KIAA1549L: variants seen among roughly 807,000 people sequenced by gnomAD.
The protein encoded by KIAA1549L is KIAA1549 like, also known as UPF0606 protein KIAA1549L.
A neutral mutation model predicts 160.7 loss-of-function variants in KIAA1549L; 88 were observed. The observed-to-expected ratio is 0.55, with a 90% CI of 0.46 to 0.65. KIAA1549L has a LOEUF of 0.65. Ranked by LOEUF, KIAA1549L falls within the 30% of genes least tolerant of loss-of-function variation. The pLI, the probability that KIAA1549L is intolerant of heterozygous loss-of-function variation, is 0.00. For synonymous variants in KIAA1549L, 950 were observed against 976.7 expected, an observed-to-expected ratio of 0.97 and a Z score of 0.51; for missense variants, 2,258 against 2,437.5, an observed-to-expected ratio of 0.93 and a Z score of 1.55.
At chr11:33,666,993 G>C (rs1265803523) in intron 20 of KIAA1549L, among the ~76,000 whole-genome samples, 1 of 152,202 alleles carries the variant, frequency 6.6e-6, no homozygotes, top group African/African-American at 2.4e-5. Flanking sequence ...GGGTTCCTCT[G>C]GGGTACATAA....
At chr11:33,594,589 C>T (rs911531575) in intron 12 of KIAA1549L, among the ~76,000 whole-genome samples, 2 of 152,224 alleles carry the variant, frequency 1.3e-5, no homozygotes, top group Non-Finnish European at 2.9e-5. Context: ...ACAAAAAACA[C>T]CCAAAGCATA....
intron 20 of KIAA1549L, among the ~76,000 whole-genome samples, chr11:33,666,013 G>A (rs773388070): frequency 3.9e-5 from 6 of 151,964 alleles, no homozygotes; most frequent in Admixed American, 1.3e-4. Context: ...TGCCTGCTCC[G>A]TGGAGGGGGA....
chr11:33,664,359 C>T (rs1282328430), intron 20 of KIAA1549L, among the ~76,000 whole-genome samples: 3 of 151,954 alleles, frequency 2.0e-5, no homozygotes, highest in African/African-American at 7.3e-5. Flanking sequence ...CCCAGCCAGG[C>T]GTCAGCCGCA....
At chr11:33,619,247 C>T (rs1235889863) in intron 16 of KIAA1549L, among the ~76,000 whole-genome samples, 1 of 152,144 alleles carries the variant, frequency 6.6e-6, no homozygotes, top group Non-Finnish European at 1.5e-5. Context: ...ACCCTGCACC[C>T]TGTGACTTGT....
intron 12 of KIAA1549L, among the ~76,000 whole-genome samples, chr11:33,598,046 G>C (rs1249767112): frequency 6.6e-6 from 1 of 152,108 alleles, no homozygotes; most frequent in African/African-American, 2.4e-5. Context: ...GGGGGCATGG[G>C]GTGCTATCTT....
chr11:33,654,219 G>A (rs764409244), intron 17 of KIAA1549L, among the ~76,000 whole-genome samples: 5 of 152,142 alleles, frequency 3.3e-5, no homozygotes, highest in East Asian at 1.9e-4. Context: ...TGATCTGCCC[G>A]CCTCAGCCTC....
intron 6 of KIAA1549L, among the ~76,000 whole-genome samples, chr11:33,552,681 CACACACACACACACACACACACAT>C (rs1029388413): frequency 1.4e-5 from 2 of 148,082 alleles, no homozygotes; most frequent in East Asian, 3.9e-4. Context: ...CACACACACA[CACACACACACACACACACACACAT>C]GCGTTTTATA....
chr11:33,455,062 C>T (rs531299697), intron 1 of KIAA1549L, among the ~76,000 whole-genome samples: 8 of 152,248 alleles, frequency 5.3e-5, no homozygotes. Flanking sequence ...GCACTCCAGC[C>T]TGGGCGACAG....
chr11:33,655,481 C>CATTT (rs1484786519), intron 17 of KIAA1549L, among the ~76,000 whole-genome samples: 2 of 152,196 alleles, frequency 1.3e-5, no homozygotes, highest in African/African-American at 4.8e-5. Flanking sequence ...ATGATTCATC[C>CATTT]ATTTAATCAT....
At chr11:33,624,619 A>G (rs536118348) in intron 16 of KIAA1549L, among the ~76,000 whole-genome samples, 47 of 151,912 alleles carry the variant, frequency 3.1e-4, no homozygotes, top group African/African-American at 1.0e-3. Flanking sequence ...TTTTACATGT[A>G]TTTTGTTTAT....
At chr11:33,381,594 T>A (rs1265925462) in intron 1 of KIAA1549L, among the ~76,000 whole-genome samples, 1 of 152,114 alleles carries the variant, frequency 6.6e-6, no homozygotes. Context: ...GTACTTTAGT[T>A]GGAGTGAGAT....
intron 17 of KIAA1549L, among the ~76,000 whole-genome samples, chr11:33,649,316 A>T (rs1477795120): frequency 6.7e-6 from 1 of 149,690 alleles, no homozygotes; most frequent in African/African-American, 2.5e-5. Context: ...GCCCTGAGCA[A>T]TATAATGAGA....
intron 15 of KIAA1549L, among the ~76,000 whole-genome samples, chr11:33,616,696 AT>A (rs1850818661): frequency 6.6e-6 from 1 of 152,132 alleles, no homozygotes; most frequent in South Asian, 2.1e-4. Flanking sequence ...TATGATTGTA[AT>A]TCTGTGACTA....
rs1565176500 is a variant in KIAA1549L at position 33,543,377 on chromosome 11, G to A, written c.1814G>A (p.Gly605Asp). 2 of 1,614,036 alleles carry A rather than the reference G, an allele frequency of 1.2e-6. No homozygotes were observed. Among genetic ancestry groups the A allele is most frequent in the Non-Finnish European group, 1.7e-6 (2 of 1,179,894 alleles). Residue 605 changes from glycine to aspartate, a missense_variant, in exon 2 of 21, where the codon GGT (glycine) becomes GAT (aspartate). Gly to Asp is a moderately conservative substitution (Grantham distance 94). Coordinates refer to ENST00000658780, the MANE Select transcript of KIAA1549L (RefSeq NM_012194.3). Reference protein sequence around the residue: ...VNGFVSDFSTGSVSSPIITAP... With the variant: ...VNGFVSDFSTDSVSSPIITAP... ...GGATTTGTCTCTGATTTCAGCACCG[G>A]TAGTGTCTCATCTCCCATCATTACA...
chr11:33,422,850 G>GT (rs1387513152), intron 1 of KIAA1549L, among the ~76,000 whole-genome samples: 1 of 152,048 alleles, frequency 6.6e-6, no homozygotes, highest in East Asian at 1.9e-4. Context: ...ACTCAATGGC[G>GT]TATCACACAA....
chr11:33,668,236 G>C lies in KIAA1549L; in HGVS notation c.*82G>C, dbSNP rs146055617. 1.5e-4 allele frequency: 201 copies of C among 1,319,160 alleles called. 3 individuals are homozygous for C. In the African/African-American group the frequency reaches 1.7e-3, roughly 11 times the overall value. The allele number at this position is 1,319,160 out of a possible 1,614,324, so 81.7% of individuals were successfully genotyped here. The stretch of plus-strand genomic sequence containing the variant: ...TTCCCATGCCTACGTGTTAGGACTT[G>C]AGACATAGCAATGGGTGAGTCTTTC... On this transcript the variant is annotated 3_prime_UTR_variant, in exon 21 of 21. Coordinates refer to ENST00000658780, the MANE Select transcript of KIAA1549L (RefSeq NM_012194.3).
At position 33,633,764 on chromosome 11, in the gene KIAA1549L, T is replaced by G. The variant is rs112678379; in HGVS notation, c.5410-11922T>G. Among the ~76,000 whole-genome samples the G allele has an allele frequency of 6.5e-3, 991 of 152,316 alleles. 8 individuals carry two copies. Among genetic ancestry groups the G allele is most frequent in the Non-Finnish European group, 9.6e-3 (655 of 68,018 alleles). On this transcript the variant is annotated intron_variant, in intron 16 of 20. Transcript: ENST00000658780. ...TTCTTGAAGTTCACAGGTAGTACAG[T>G]GTAGGGGCTGTGCTCATAGCCTCTG... is the stretch of plus-strand genomic sequence containing the variant.
At chr11:33,454,084 C>A (rs1057494046) in intron 1 of KIAA1549L, among the ~76,000 whole-genome samples, 4 of 152,182 alleles carry the variant, frequency 2.6e-5, no homozygotes, top group Non-Finnish European at 5.9e-5. Context: ...TTTCAGCAGA[C>A]AACTAAAATA....
intron 17 of KIAA1549L, among the ~76,000 whole-genome samples, chr11:33,653,860 A>T (rs1232280832): frequency 6.6e-6 from 1 of 150,722 alleles, no homozygotes; most frequent in Non-Finnish European, 1.5e-5. Flanking sequence ...TTAATCTATT[A>T]TTTACTTCCT....
Sources: gnomAD v4.1 joint callset for allele counts (sites outside exome capture counted in the v4.1 genomes callset) on GRCh38, gnomAD v4.1.1 for gene constraint, MANE v1.5 for transcripts, NCBI Gene and HGNC (gene_info 2026-07-23, HGNC 2026-07-21) for gene names.